The following AHDC1 variants were observed in gnomAD, a reference collection of about 807,000 sequenced individuals.
AHDC1 encodes transcription factor Gibbin.
A neutral mutation model predicts 87.9 loss-of-function variants in AHDC1; 7 were observed. The ratio of observed to expected loss-of-function variants is 0.08; its 90% CI spans 0.05 to 0.15. The LOEUF (loss-of-function observed/expected upper bound fraction) is 0.15. AHDC1 is among the 10% of genes least tolerant of loss of function. The pLI, the probability that AHDC1 is intolerant of heterozygous loss-of-function variation, is 1.00. For missense variants in AHDC1, 1,841 were observed against 2,253.2 expected (o/e 0.82, Z 3.70); for synonymous variants, 1,051 against 1,006.8 (o/e 1.04, Z -0.83).
At chr1:27,543,929 T>A (rs2019048492) in intron 8 of AHDC1, among the ~76,000 whole-genome samples, 1 of 149,512 alleles carries the variant, frequency 6.7e-6, no homozygotes, top group African/African-American at 2.5e-5. Flanking sequence ...GGCGACACAG[T>A]GAGGCTCCAT....
intron 3 of AHDC1, among the ~76,000 whole-genome samples, chr1:27,587,755 G>C (rs2089102446): frequency 6.6e-6 from 1 of 152,072 alleles, no homozygotes; most frequent in African/African-American, 2.4e-5. Context: ...GACAATAATG[G>C]CTATTATTTA....
At chr1:27,577,902 G>A (rs893411970) in intron 3 of AHDC1, among the ~76,000 whole-genome samples, 4 of 152,176 alleles carry the variant, frequency 2.6e-5, no homozygotes, top group African/African-American at 9.7e-5. Context: ...TCCACCTGAG[G>A]CCAGGGAGTT....
intron 8 of AHDC1, among the ~76,000 whole-genome samples, chr1:27,543,086 G>A (rs867238563): frequency 9.8e-5 from 15 of 152,348 alleles, no homozygotes; most frequent in African/African-American, 2.2e-4. Context: ...TGCTGACCCC[G>A]GCTGGATGGT....
chr1:27,582,426 C>T (rs2088934181), intron 3 of AHDC1, among the ~76,000 whole-genome samples: 1 of 152,232 alleles, frequency 6.6e-6, no homozygotes, highest in Admixed American at 6.5e-5. Flanking sequence ...AGAGTAACAA[C>T]AGCCTCCATC....
intron 3 of AHDC1, among the ~76,000 whole-genome samples, chr1:27,581,375 T>TA (rs1401667469): frequency 1.3e-5 from 2 of 150,886 alleles, no homozygotes; most frequent in African/African-American, 4.9e-5. Flanking sequence ...AGAAAGCCCC[T>TA]AGGTCTCATC....
intron 3 of AHDC1, among the ~76,000 whole-genome samples, chr1:27,599,086 GAAGA>G (rs1370801278): frequency 6.6e-6 from 1 of 152,198 alleles, no homozygotes; most frequent in African/African-American, 2.4e-5. Context: ...AATGAGGAAA[GAAGA>G]AAGAGATGCT....
rs2020120895 is a variant in AHDC1, at chr1:27,562,249, C to T, written c.-628-3366G>A. 1.3e-5 allele frequency among the ~76,000 whole-genome samples: 2 copies of T among 152,086 alleles called. No individual in the cohort carries two copies. The highest frequency in any genetic ancestry group is 1.5e-5 in the Non-Finnish European group (1 of 67,988). Reference sequence around the variant, plus strand: ...GGCCAGTGCGCCAAGCCTCCCGCCTCCTGACCCCCGAGCCTGGGAGAGATA... The same window carrying T: ...GGCCAGTGCGCCAAGCCTCCCGCCTTCTGACCCCCGAGCCTGGGAGAGATA... On this transcript the variant is annotated intron_variant, in intron 3 of 8. Transcript: ENST00000673934. This position sits in a 1 kb window ranked among gnomAD's most constrained non-coding sequence, Gnocchi z 4.4.
chr1:27,552,400 C>T, intron 7 of AHDC1: 2 of 271,686 alleles, frequency 7.4e-6, no homozygotes, highest in Non-Finnish European at 1.3e-5. Flanking sequence ...CCCAGTTTCA[C>T]TTTTTTTTTT....
chr1:27,537,088 T>G (rs2018674093), intron 8 of AHDC1, among the ~76,000 whole-genome samples: 1 of 152,162 alleles, frequency 6.6e-6, no homozygotes, highest in South Asian at 2.1e-4. Flanking sequence ...TTTGGCAGAA[T>G]CTTCGGGATG....
At position 27,549,366 on chromosome 1, in the gene AHDC1, G is replaced by A. The variant is rs199652856; in HGVS notation, c.2750C>T (p.Ala917Val). 1.4e-5 allele frequency: 22 copies of A among 1,612,854 alleles called. No homozygotes were observed. Among genetic ancestry groups the A allele is most frequent in the Non-Finnish European group, 1.7e-5 (20 of 1,179,738 alleles). Residue 917 changes from alanine (A) to valine (V), a missense_variant, in exon 8 of 9, where the codon GCG becomes GTG. Physicochemically the swap from Ala to Val is moderately conservative, Grantham distance 64 (BLOSUM62 0). Around this residue, in one of 13 missense-constraint regions of AHDC1, gnomAD observed 378 missense variants for 399.0 expected, o/e 0.95. Coordinates refer to ENST00000673934, the MANE Select transcript of AHDC1 (RefSeq NM_001371928.1). ...TCGTCCTGGTGGGAAGGTCTGGCGCGCGGACAGGACAGGCTGAAAGGAGGG... is the reference window on the plus strand; with the variant it reads ...TCGTCCTGGTGGGAAGGTCTGGCGCACGGACAGGACAGGCTGAAAGGAGGG... ...ADPSFQPVLS[A>V]RQTFPPGRAA...
At chr1:27,575,994 G>C (rs949121233) in intron 3 of AHDC1, among the ~76,000 whole-genome samples, 6 of 152,084 alleles carry the variant, frequency 3.9e-5, no homozygotes, top group African/African-American at 1.4e-4. Context: ...GCCCGGCAGC[G>C]GTCCGGACCT....
rs1571223607 is a variant in AHDC1 at position 27,547,265 on chromosome 1, G to A, written c.*39C>T. The A allele has an allele frequency of 2.6e-6, 4 of 1,510,842 alleles. No individual in the cohort carries two copies. Among genetic ancestry groups the A allele is most frequent in the Non-Finnish European group, 3.5e-6 (4 of 1,130,608 alleles). 93.6% of individuals were successfully genotyped at this position (1,510,842 alleles called of 1,614,324 possible). A position where few individuals can be genotyped will look rare whatever the true frequency, so the allele number is the denominator to read the frequency against. On this transcript the variant is annotated 3_prime_UTR_variant, in exon 8 of 9. Coordinates refer to ENST00000673934, the MANE Select transcript of AHDC1 (RefSeq NM_001371928.1). This position sits in a 1 kb window ranked among gnomAD's most constrained non-coding sequence, Gnocchi z 4.9. ...CGCCCACATCCCCAGACTCACCCAG[G>A]AACAAAACCTCGCGGTCCAGTCGGC...
At position 27,548,167 on chromosome 1, in the gene AHDC1, A is replaced by G. The variant is rs1259241340; in HGVS notation, c.3949T>C (p.Tyr1317His). 1 of 1,613,816 alleles carries G rather than the reference A, an allele frequency of 6.2e-7. No individual in the cohort carries two copies. The highest frequency in any genetic ancestry group is 1.7e-5 in the Admixed American group (1 of 60,036). ...GGTGACATGCTGCTGTCCCCGCTAT[A>G]GTAGTCCAGGCCGAGGTCAGGACTG... ...QDSPDLGLDY[Y>H]SGDSSMSPLP... Residue 1317 changes from tyrosine (Y) to histidine (H), a missense_variant, in exon 8 of 9, where the codon TAT becomes CAT. Around this residue, in one of 13 missense-constraint regions of AHDC1, gnomAD observed 505 missense variants for 626.2 expected, o/e 0.81. Transcript: ENST00000673934.
Position 27,548,226 on chromosome 1 carries a change from G to A in AHDC1, c.3890C>T (p.Pro1297Leu). ...CAGTGGGTTGACTGGCTGTGGCTTG[G>A]GGATGAACTTGGCTTTGGCCGCTGC... ...GGAAAKAKFI[P>L]KPQPVNPLFQ... Residue 1297 changes from proline to leucine, a missense_variant, in exon 8 of 9, where the codon CCC becomes CTC. Physicochemically the swap from Pro to Leu is moderately conservative, Grantham distance 98. Coordinates refer to ENST00000673934, the MANE Select transcript of AHDC1 (RefSeq NM_001371928.1). 1.2e-6 allele frequency: 2 copies of A among 1,613,242 alleles called. No homozygotes were observed. Among genetic ancestry groups the A allele is most frequent in the Non-Finnish European group, 1.7e-6 (2 of 1,179,884 alleles).
chr1:27,579,881 G>T (rs1157335011), intron 3 of AHDC1, among the ~76,000 whole-genome samples: 1 of 152,212 alleles, frequency 6.6e-6, no homozygotes, highest in African/African-American at 2.4e-5. Context: ...TATAAATTTA[G>T]ATTCCAGCCC....
chr1:27,535,103 A>T (rs1237451210), intron 8 of AHDC1, among the ~76,000 whole-genome samples, 187 bp from the exon 9 acceptor site: 3 of 152,174 alleles, frequency 2.0e-5, no homozygotes, highest in Admixed American at 2.0e-4. Context: ...CAGTTTCCCC[A>T]TCTGTAAAAT....
intron 3 of AHDC1, among the ~76,000 whole-genome samples, chr1:27,559,102 A>G (rs1235169026): frequency 6.6e-6 from 1 of 152,060 alleles, no homozygotes; most frequent in Non-Finnish European, 1.5e-5. Flanking sequence ...CCCAGGTTGG[A>G]GTGCAGTGGC....
At chr1:27,566,826 A>C (rs2020341996) in intron 3 of AHDC1, among the ~76,000 whole-genome samples, 1 of 96,100 alleles carries the variant, frequency 1.0e-5, no homozygotes, top group Non-Finnish European at 2.1e-5. Flanking sequence ...GGGGGGAAGA[A>C]GGAGCAGAGC....
intron 5 of AHDC1, among the ~76,000 whole-genome samples, chr1:27,556,332 C>G (rs904906716): frequency 1.3e-5 from 2 of 151,852 alleles, no homozygotes; most frequent in Non-Finnish European, 2.9e-5. Context: ...CCTCCTCCCC[C>G]ACCATTTCCC....
Sources: gnomAD v4.1 joint callset for allele counts (sites outside exome capture counted in the v4.1 genomes callset) on GRCh38, gnomAD v4.1.1 for gene constraint, gnomAD v4.1.1 regional missense constraint, Gnocchi (gnomAD v3.1) non-coding constraint, MANE v1.5 for transcripts, NCBI Gene and HGNC (gene_info 2026-07-23, HGNC 2026-07-21) for gene names.